Variants in ZNF16 observed in about 807,000 individuals in gnomAD.
ZNF16 encodes zinc finger protein KOX9.
A neutral mutation model predicts 9.0 loss-of-function variants in ZNF16; 7 were observed. That is an observed-to-expected ratio of 0.78 (90% CI 0.44 to 1.47). The LOEUF (loss-of-function observed/expected upper bound fraction) is 1.47. Ranked by LOEUF, ZNF16 falls within the 40% of genes most tolerant of loss-of-function variation. The pLI, the probability that ZNF16 is intolerant of heterozygous loss-of-function variation, is 0.01. For synonymous variants in ZNF16, 312 were observed against 301.5 expected (o/e 1.03, Z -0.36); for missense variants, 830 against 854.2 (o/e 0.97, Z 0.35).
At chr8:144,939,129 TG>T (rs2130023624) in intron 2 of ZNF16, among the ~76,000 whole-genome samples, 1 of 152,318 alleles carries the variant, frequency 6.6e-6, no homozygotes, top group South Asian at 2.1e-4. Context: ...ATTTCTTTGT[TG>T]GGAGTTTTAT....
chr8:144,935,969 C>T (rs56048841), intron 2 of ZNF16, among the ~76,000 whole-genome samples: 8,022 of 152,246 alleles, frequency 0.053, 665 homozygotes, highest in African/African-American at 0.18. Flanking sequence ...CATTCTAAAA[C>T]GAACAGCGGC....
chr8:144,938,338 G>A (rs1833730752), intron 2 of ZNF16, among the ~76,000 whole-genome samples: 1 of 152,218 alleles, frequency 6.6e-6, no homozygotes, highest in Non-Finnish European at 1.5e-5. Context: ...CATTGAATCT[G>A]TAGAACACTC....
intron 2 of ZNF16, among the ~76,000 whole-genome samples, chr8:144,943,224 T>G (rs1364863605): frequency 6.6e-6 from 1 of 152,228 alleles, no homozygotes; most frequent in Non-Finnish European, 1.5e-5. Flanking sequence ...CTAGAAATCT[T>G]ACCCAGAACC....
At position 144,931,473 on chromosome 8, in the gene ZNF16, A is replaced by G; in HGVS notation, c.1314T>C (p.Cys438=). The change falls in exon 3 of 3, where the codon TGT becomes TGC. Residue 438 remains cysteine (C), a synonymous_variant. Coordinates refer to ENST00000394909, the MANE Select transcript of ZNF16 (RefSeq NM_006958.3). ...TGGAGCTCTGACTAAATGCTTTCCC[A>G]CAGTCACTGCACTTATAGGGCTTCT... ...TGEKPYKCSD[C]GKAFSQSSSL... 1.2e-6 allele frequency: 2 copies of G among 1,614,068 alleles called. No individual in the cohort carries two copies. The highest frequency in any genetic ancestry group is 1.7e-6 in the Non-Finnish European group (2 of 1,180,014).
rs1013769194 is a variant in ZNF16 at position 144,934,426 on chromosome 8, A to G, written c.197-1836T>C. On this transcript the variant is annotated intron_variant, in intron 2 of 2. Transcript: ENST00000394909. ...GCTGCCCTTTGGCAGGCCTGCTGTT[A>G]TACACTCCACATGGGCTGCAGGGGA... 4.6e-5 allele frequency among the ~76,000 whole-genome samples: 7 copies of G among 152,266 alleles called. No homozygotes were observed. The East Asian group carries it at 1.4e-3, about 29-fold the overall frequency.
Position 144,931,527 on chromosome 8 carries a change from G to A in ZNF16, c.1260C>T (p.Leu420=). The A allele has an allele frequency of 6.2e-7, 1 of 1,613,888 alleles. No individual in the cohort carries two copies. The highest frequency in any genetic ancestry group is 8.5e-7 in the Non-Finnish European group (1 of 1,179,938). ...CAGTGTGAACCCTGTGGTGCTTAAT[G>A]AGGTTGGAGACCCGACTGAAGGGCT... ...CGKPFSRVSN[L]IKHHRVHTGE... The change falls in exon 3 of 3, where the codon CTC becomes CTT. Residue 420 remains leucine (L), a synonymous_variant. Transcript: ENST00000394909.
rs1586948329 is a variant in ZNF16, at chr8:144,932,296, A to C, written c.491T>G (p.Leu164Arg). Reference protein sequence around the residue: ...DCNGFDSRFSLSPNLMACQEI... With the variant: ...DCNGFDSRFSRSPNLMACQEI... ...CTGACATGCCATCAGGTTTGGGCTC[A>C]GACTGAAGCGACTGTCAAAACCATT... The change falls in exon 3 of 3, where the codon CTG (leucine) becomes CGG (arginine). Residue 164 changes from leucine (L) to arginine (R), a missense_variant. By Grantham distance (102) the Leu-to-Arg change is moderately radical. Transcript: ENST00000394909. The surrounding 1 kb of genome is among the most constrained non-coding windows in gnomAD (Gnocchi z 5.0). 1 of 1,614,188 alleles carries C rather than the reference A, an allele frequency of 6.2e-7. No homozygotes were observed. The highest frequency in any genetic ancestry group is 8.5e-7 in the Non-Finnish European group (1 of 1,180,044).
At chr8:144,948,731 C>A (rs1441501830) in intron 1 of ZNF16, among the ~76,000 whole-genome samples, 1 of 144,190 alleles carries the variant, frequency 6.9e-6, no homozygotes, top group East Asian at 2.2e-4. Flanking sequence ...ATAAATTACA[C>A]CCAACTATGC....
At chr8:144,947,705 T>C (rs1233109060) in intron 1 of ZNF16, among the ~76,000 whole-genome samples, 3 of 152,208 alleles carry the variant, frequency 2.0e-5, no homozygotes, top group African/African-American at 4.8e-5. Flanking sequence ...CAGTGTGCAC[T>C]TCTGCACTGC....
At chr8:144,941,808 G>A (rs1168000326) in intron 2 of ZNF16, among the ~76,000 whole-genome samples, 2 of 144,304 alleles carry the variant, frequency 1.4e-5, no homozygotes, top group Admixed American at 6.9e-5. Context: ...ACAGGCGGGT[G>A]CCATCGTGCC....
At chr8:144,936,402 G>A (rs891754933) in intron 2 of ZNF16, among the ~76,000 whole-genome samples, 5 of 152,118 alleles carry the variant, frequency 3.3e-5, no homozygotes, top group African/African-American at 1.2e-4. Flanking sequence ...TTGAGTATGT[G>A]TCTTCAATTA....
intron 2 of ZNF16, among the ~76,000 whole-genome samples, chr8:144,938,140 T>G (rs1833726524): frequency 6.6e-6 from 1 of 152,272 alleles, no homozygotes; most frequent in Admixed American, 6.5e-5. Flanking sequence ...TGTATGTCTT[T>G]GTGCCAGTAC....
Position 144,930,703 on chromosome 8 carries a change from A to G in ZNF16, c.*35T>C, listed in dbSNP as rs753451619. On this transcript the variant is annotated 3_prime_UTR_variant, in exon 3 of 3. Coordinates refer to ENST00000394909, the MANE Select transcript of ZNF16 (RefSeq NM_006958.3). ...TGGCCAAAGAGGAGTTGGAGAGGAA[A>G]CTATGCTCGGTTTCACTCCTGCCAG... The G allele has an allele frequency of 6.6e-7, 1 of 1,514,462 alleles. No individual in the cohort carries two copies. The highest frequency in any genetic ancestry group is 2.3e-5 in the Admixed American group (1 of 43,520). 93.8% of individuals were successfully genotyped at this position (1,514,462 alleles called of 1,614,324 possible).
intron 2 of ZNF16, among the ~76,000 whole-genome samples, chr8:144,935,412 G>T (rs1357650116): frequency 6.6e-6 from 1 of 151,938 alleles, no homozygotes; most frequent in Non-Finnish European, 1.5e-5. Context: ...CTCTGTGTTG[G>T]TCAGGCTGGT....
Position 144,930,575 on chromosome 8 carries a change from T to A in ZNF16, c.*163A>T. ...GCAGTGGCAGTGAGAAGGGAGCCTG[T>A]AAAGGATGTTTCAAAGGAGGGTCCC... On this transcript the variant is annotated 3_prime_UTR_variant, in exon 3 of 3. Transcript: ENST00000394909. 1.4e-6 allele frequency: 1 copy of A among 716,320 alleles called. No homozygotes were observed. 44.4% of individuals were successfully genotyped at this position (716,320 alleles called of 1,614,324 possible). A position where few individuals can be genotyped will look rare whatever the true frequency, so the allele number is the denominator to read the frequency against.
intron 2 of ZNF16, among the ~76,000 whole-genome samples, chr8:144,936,716 C>CTTATTTATTTATTTAT (rs61163374): frequency 1.1e-3 from 161 of 151,148 alleles, no homozygotes; most frequent in African/African-American, 3.5e-3. Context: ...TTCTTTGCCC[C>CTTATTTATTTATTTAT]TTATTTATTT....
intron 2 of ZNF16, chr8:144,944,927 T>A (rs998750410): frequency 2.0e-5 from 3 of 152,222 alleles, no homozygotes; most frequent in African/African-American, 7.2e-5. Context: ...CTTCTCCCAG[T>A]CTTTGTGGAT....
At chr8:144,948,261 C>T (rs1834011355) in intron 1 of ZNF16, 2 of 152,288 alleles carry the variant, frequency 1.3e-5, no homozygotes, top group Non-Finnish European at 2.9e-5. Flanking sequence ...GGCCACATTT[C>T]TGTGTCAGGA....
At position 144,946,154 on chromosome 8, in the gene ZNF16, G is replaced by A; in HGVS notation, c.53C>T (p.Pro18Leu). Residue 18 changes from proline (P) to leucine (L), a missense_variant, in exon 2 of 3, where the codon CCA becomes CTA. By Grantham distance (98) the Pro-to-Leu change is moderately conservative. Transcript: ENST00000394909. ...REEAEMELSV[P>L]GPSPWTPAAQ... ...TGCAGGGGTCCAGGGGGATGGTCCT[G>A]GAACTGAGAGCTCCATCTCTGCCTC... The A allele has an allele frequency of 6.4e-7, 1 of 1,565,512 alleles. No individual in the cohort carries two copies. Among genetic ancestry groups the A allele is most frequent in the Non-Finnish European group, 8.7e-7 (1 of 1,149,872 alleles).
Sources: gnomAD v4.1 joint callset for allele counts (sites outside exome capture counted in the v4.1 genomes callset) on GRCh38, gnomAD v4.1.1 for gene constraint, Gnocchi (gnomAD v3.1) non-coding constraint, MANE v1.5 for transcripts, NCBI Gene and HGNC (gene_info 2026-07-23, HGNC 2026-07-21) for gene names.